Variants in RBM43 observed in about 807,000 individuals in gnomAD.
The protein encoded by RBM43 is RNA binding motif protein 43.
RBM43 carries 12 observed loss-of-function variants against 12.4 expected under a neutral mutation model. The ratio of observed to expected loss-of-function variants is 0.97; its 90% CI spans 0.62 to 1.57. The LOEUF (loss-of-function observed/expected upper bound fraction) is 1.57. RBM43 is among the 40% of genes most tolerant of loss of function. The probability of loss-of-function intolerance (pLI) is 0.00; values close to 1 mark genes in which losing one functional copy is unlikely to be tolerated. For synonymous variants in RBM43, 138 were observed against 145.7 expected, an observed-to-expected ratio of 0.95 and a Z score of 0.38; for missense variants, 348 against 400.1, an observed-to-expected ratio of 0.87 and a Z score of 1.11.
At position 151,252,871 on chromosome 2, in the gene RBM43, G is replaced by A. The variant is rs770467946; in HGVS notation, c.215-16C>T. The A allele has an allele frequency of 2.2e-6, 3 of 1,362,850 alleles. No homozygotes were observed. Among genetic ancestry groups the A allele is most frequent in the Non-Finnish European group, 3.1e-6 (3 of 955,514 alleles). The allele number at this position is 1,362,850 out of a possible 1,614,324, so 84.4% of individuals were successfully genotyped here. ...TTCTCTGCAACTAAGTGGAAACACT[G>A]GCATCAGAAGTGTTTATGGCATGAT... On this transcript the variant is annotated splice_polypyrimidine_tract_variant and intron_variant, in intron 2 of 3. Transcript: ENST00000331426.
At chr2:151,261,571 C>T (rs1683047437) in intron 1 of RBM43, 154 bp downstream of exon 1, 12 of 1,539,040 alleles carry the variant, frequency 7.8e-6, no homozygotes, top group East Asian at 2.5e-5. Flanking sequence ...CTCTCCGGGG[C>T]CCCCGGGGTC....
In RBM43 at chr2:151,250,237, G is replaced by C. The variant is rs530002975; in HGVS notation, c.*669C>G. ...CCTTTCAAATTTCTCATATGTTAAG[G>C]CTACTTCTTAATAATTATTATTCTC... On this transcript the variant is annotated 3_prime_UTR_variant, in exon 4 of 4. Coordinates refer to ENST00000331426, the MANE Select transcript of RBM43 (RefSeq NM_198557.3). 1.3e-5 allele frequency: 2 copies of C among 152,158 alleles called. No homozygotes were observed. The highest frequency in any genetic ancestry group is 2.1e-4 in the South Asian group (1 of 4,822). 9.4% of individuals were successfully genotyped at this position (152,158 alleles called of 1,614,324 possible). A position where few individuals can be genotyped will look rare whatever the true frequency, so the allele number is the denominator to read the frequency against.
At chr2:151,259,910 C>T (rs1294687716) in intron 1 of RBM43, among the ~76,000 whole-genome samples, 2 of 151,712 alleles carry the variant, frequency 1.3e-5, no homozygotes, top group African/African-American at 2.4e-5. Flanking sequence ...CTGTCACCTA[C>T]GCTGGAGTGC....
intron 1 of RBM43, chr2:151,261,186 A>C: frequency 6.8e-7 from 1 of 1,467,782 alleles, no homozygotes; most frequent in Non-Finnish European, 9.1e-7. Context: ...TGAATTTGCT[A>C]AGACAAGAAT....
Position 151,251,532 on chromosome 2 carries a change from T to C in RBM43, c.448A>G (p.Ile150Val), listed in dbSNP as rs756194084. The change falls in exon 4 of 4, where the codon ATC becomes GTC. Residue 150 changes from isoleucine (I) to valine (V), a missense_variant. Physicochemically the swap from Ile to Val is conservative, Grantham distance 29 (BLOSUM62 3). Transcript: ENST00000331426. ...GCCAGAAATGATCCTTCCACGGAGATTCTTCCATTGGGTTTCAAAGGACTG... is the reference window on the plus strand; with the variant it reads ...GCCAGAAATGATCCTTCCACGGAGACTCTTCCATTGGGTTTCAAAGGACTG... Reference protein sequence around the residue: ...SFSPLKPNGRISVEGSFLAVK... With the variant: ...SFSPLKPNGRVSVEGSFLAVK... The C allele has an allele frequency of 1.9e-6, 3 of 1,614,090 alleles. No individual in the cohort carries two copies. The East Asian group carries it at 6.7e-5, about 36-fold the overall frequency.
intron 1 of RBM43, chr2:151,261,211 A>T: frequency 6.6e-7 from 1 of 1,517,572 alleles, no homozygotes; most frequent in Non-Finnish European, 8.9e-7. Flanking sequence ...ACCAAGGCAG[A>T]CATAAGACAT....
rs1168822950 is a variant in RBM43 at position 151,249,044 on chromosome 2, A to T, written c.*1862T>A. 6.6e-6 allele frequency: 1 copy of T among 152,118 alleles called. No individual in the cohort carries two copies. The highest frequency in any genetic ancestry group is 1.5e-5 in the Non-Finnish European group (1 of 68,040). 9.4% of individuals were successfully genotyped at this position (152,118 alleles called of 1,614,324 possible). ...TCCCAAATAAAACAGAACTCGAACC[A>T]TATCTGAGAGTTCTGTCCAAGAGAT... is the stretch of plus-strand genomic sequence containing the variant. On this transcript the variant is annotated 3_prime_UTR_variant, in exon 4 of 4. Transcript: ENST00000331426.
intron 3 of RBM43, among the ~76,000 whole-genome samples, chr2:151,251,891 G>C (rs4665120): frequency 1.3e-5 from 2 of 152,022 alleles, no homozygotes; most frequent in African/African-American, 2.4e-5. Context: ...AAAACAGACA[G>C]GCTCAAATAA....
chr2:151,255,743 C>G lies in RBM43; in HGVS notation c.4G>C (p.Ala2Pro). 2 of 1,606,746 alleles carry G rather than the reference C, an allele frequency of 1.2e-6. No individual in the cohort carries two copies. Among genetic ancestry groups the G allele is most frequent in the Non-Finnish European group, 1.7e-6 (2 of 1,173,704 alleles). M[A>P]SVLNVKESKA... ...GATTCCTTGACATTCAAAACTGATGCCTGTAAGAGAAACAGCAGGTTATTC... is the reference window on the plus strand; with the variant it reads ...GATTCCTTGACATTCAAAACTGATGGCTGTAAGAGAAACAGCAGGTTATTC... The change falls in exon 2 of 4, where the codon GCA (alanine) becomes CCA (proline). Residue 2 changes from alanine to proline, a missense_variant and splice_region_variant. By Grantham distance (27) the Ala-to-Pro change is conservative (BLOSUM62 -1). Coordinates refer to ENST00000331426, the MANE Select transcript of RBM43 (RefSeq NM_198557.3).
chr2:151,259,313 C>T (rs1385107478), intron 1 of RBM43, among the ~76,000 whole-genome samples: 1 of 152,126 alleles, frequency 6.6e-6, no homozygotes, highest in Non-Finnish European at 1.5e-5. Context: ...TTACTGTTTA[C>T]ATTATTATCG....
chr2:151,248,874 A>C lies in RBM43; in HGVS notation c.*2032T>G, dbSNP rs1451720679. 1 of 152,228 alleles carries C rather than the reference A, an allele frequency of 6.6e-6. No individual in the cohort carries two copies. Among genetic ancestry groups the C allele is most frequent in the Non-Finnish European group, 1.5e-5 (1 of 68,044 alleles). The allele number at this position is 152,228 out of a possible 1,614,324, so 9.4% of individuals were successfully genotyped here. A position where few individuals can be genotyped will look rare whatever the true frequency, so the allele number is the denominator to read the frequency against. On this transcript the variant is annotated 3_prime_UTR_variant, in exon 4 of 4. Coordinates refer to ENST00000331426, the MANE Select transcript of RBM43 (RefSeq NM_198557.3). ...ATAAAATACATGCTTACCAGTAAGAATGATAAGCCTTCTCCAAAGAAAGGG... is the reference window on the plus strand; with the variant it reads ...ATAAAATACATGCTTACCAGTAAGACTGATAAGCCTTCTCCAAAGAAAGGG...
chr2:151,261,514 G>A (rs1414073576), intron 1 of RBM43: 63 of 1,549,478 alleles, frequency 4.1e-5, no homozygotes, highest in Non-Finnish European at 5.2e-5. Context: ...CGCCACCTGG[G>A]AAGGGTGCAG....
chr2:151,257,331 C>A (rs202184158), intron 1 of RBM43, among the ~76,000 whole-genome samples: 5,795 of 143,152 alleles, frequency 0.04, 365 homozygotes, highest in African/African-American at 0.14. Context: ...CACACACACA[C>A]AAACACACAC....
rs760745523 is a variant in RBM43, at chr2:151,250,985, A to ATG, written c.993_994dup (p.Ile332ThrfsTer5). 1.2e-6 allele frequency: 2 copies of ATG among 1,612,744 alleles called. No individual in the cohort carries two copies. The highest frequency in any genetic ancestry group is 3.3e-5 in the Admixed American group (2 of 59,974). Reference sequence around the variant, plus strand: ...GTCAGAAGAAGATCCTATAATGTCAATGTGTGTCCTATAAAGGTTAATCAG... The same window carrying ATG: ...GTCAGAAGAAGATCCTATAATGTCAATGTGTGTGTCCTATAAAGGTTAATCAG... On this transcript the variant is annotated frameshift_variant, in exon 4 of 4. Coordinates refer to ENST00000331426, the MANE Select transcript of RBM43 (RefSeq NM_198557.3). LOFTEE classifies it low-confidence loss of function (END_TRUNC).
At chr2:151,258,077 A>AG (rs1682997108) in intron 1 of RBM43, among the ~76,000 whole-genome samples, 2 of 152,188 alleles carry the variant, frequency 1.3e-5, no homozygotes, top group Admixed American at 6.5e-5. Context: ...CTAAAAAAAA[A>AG]AGAAAGAAAG....
At chr2:151,261,355 A>G (rs1331357992) in intron 1 of RBM43, 6 of 1,550,478 alleles carry the variant, frequency 3.9e-6, no homozygotes, top group Admixed American at 2.0e-5. Flanking sequence ...ACAACAGTTA[A>G]GCCCTAACAG....
chr2:151,261,644 G>A (rs915617047), intron 1 of RBM43, 81 bp downstream of exon 1: 1 of 1,557,094 alleles, frequency 6.4e-7, no homozygotes, highest in Admixed American at 2.0e-5. Context: ...CGTCGCGCCC[G>A]GTTCCGCGCC....
intron 2 of RBM43, 130 bp downstream of exon 2, chr2:151,255,403 G>C (rs1251512192): frequency 1.7e-6 from 1 of 603,764 alleles, no homozygotes; most frequent in Non-Finnish European, 2.8e-6. Context: ...GGGCAACAGA[G>C]TGAGACTGTG....
chr2:151,261,695 A>G (rs1161250876), intron 1 of RBM43, 30 bp downstream of exon 1: 2 of 1,593,922 alleles, frequency 1.3e-6, no homozygotes, highest in Non-Finnish European at 1.7e-6. Flanking sequence ...ACGGACCTGC[A>G]CCGCAAAACC....
Sources: allele counts gnomAD v4.1 joint callset (sites outside exome capture counted in the v4.1 genomes callset), GRCh38; gene constraint gnomAD v4.1.1; transcripts MANE v1.5; gene names NCBI Gene and HGNC (gene_info 2026-07-23, HGNC 2026-07-21).